IL5: variants seen among roughly 807,000 people sequenced by gnomAD.
IL5 encodes interleukin 5.
A neutral mutation model predicts 16.3 loss-of-function variants in IL5; 12 were observed. That is an observed-to-expected ratio of 0.74 (90% CI 0.47 to 1.20). The LOEUF is 1.20. Ranked by LOEUF, IL5 falls within the 50% of genes most tolerant of loss-of-function variation. The probability of loss-of-function intolerance (pLI) is 0.00; values close to 1 mark genes in which losing one functional copy is unlikely to be tolerated. For synonymous variants in IL5, 54 were observed against 56.6 expected, an observed-to-expected ratio of 0.95 and a Z score of 0.21; for missense variants, 159 against 153.9, an observed-to-expected ratio of 1.03 and a Z score of -0.17.
At chr5:132,554,753 A>G (rs1239081539) in intron 1 of IL5, among the ~76,000 whole-genome samples, 1 of 152,240 alleles carries the variant, frequency 6.6e-6, no homozygotes, top group Non-Finnish European at 1.5e-5. Flanking sequence ...CAATATATAT[A>G]GCCACACTAT....
chr5:132,542,197 TG>T, intron 2 of IL5, 54 bp from the exon 3 acceptor site: 1 of 1,462,194 alleles, frequency 6.8e-7, no homozygotes, highest in Non-Finnish European at 9.4e-7. Flanking sequence ...TATAAAAATT[TG>T]GTCCATTGTC....
intron 2 of IL5, 86 bp downstream of exon 2, chr5:132,543,008 T>C (rs1749722443): frequency 3.0e-6 from 3 of 993,702 alleles, no homozygotes; most frequent in Non-Finnish European, 4.7e-6. Flanking sequence ...AATTAAATAG[T>C]TCCAATGATA....
At chr5:132,543,533 T>G (rs1198936472), upstream of IL5, 2 of 1,514,510 alleles carry the variant, frequency 1.3e-6, no homozygotes, top group Admixed American at 4.4e-5. Context: ...AGTACAAGAC[T>G]GCGTCCCCAG....
At chr5:132,551,459 C>G (rs1183168400) in intron 1 of IL5, among the ~76,000 whole-genome samples, 2 of 152,092 alleles carry the variant, frequency 1.3e-5, no homozygotes, top group African/African-American at 2.4e-5. Flanking sequence ...TGGGGTTTCT[C>G]TGGGTACTCC....
At chr5:132,554,559 T>C (rs1338395328) in intron 1 of IL5, among the ~76,000 whole-genome samples, 3 of 152,246 alleles carry the variant, frequency 2.0e-5, no homozygotes, top group South Asian at 2.1e-4. Flanking sequence ...TTGGCAAGCA[T>C]ATGTAGAAAT....
chr5:132,543,404 G>C lies in IL5; in HGVS notation c.75C>G (p.Pro25=), dbSNP rs140074297. The stretch of plus-strand genomic sequence containing the variant: ...AGGTCTCTTTCACCAATGCACTTGT[G>C]GGAATTTCTGTGGGGATGGCATACA... The part of the protein sequence containing the change: ...AYVYAIPTEI[P]TSALVKETLA... The change falls in exon 1 of 4, where the codon CCC becomes CCG. Residue 25 remains proline (P), a synonymous_variant. Coordinates refer to ENST00000231454, the MANE Select transcript of IL5 (RefSeq NM_000879.3). 1 of 1,614,160 alleles carries C rather than the reference G, an allele frequency of 6.2e-7. No individual in the cohort carries two copies. Among genetic ancestry groups the C allele is most frequent in the African/African-American group, 1.3e-5 (1 of 75,062 alleles).
chr5:132,548,234 A>C (rs545041993), upstream of IL5, among the ~76,000 whole-genome samples: 1 of 152,202 alleles, frequency 6.6e-6, no homozygotes. Context: ...TGTCTCAAAA[A>C]AAAAAAAAAA....
upstream of IL5, chr5:132,543,572 G>A (rs1042328763): frequency 3.3e-5 from 43 of 1,299,048 alleles, no homozygotes; most frequent in Non-Finnish European, 4.3e-5. Context: ...TTGAGGAAAT[G>A]AATAATTTCT....
chr5:132,548,778 T>C (rs940511160), intron 1 of IL5, among the ~76,000 whole-genome samples: 1 of 152,212 alleles, frequency 6.6e-6, no homozygotes, highest in Admixed American at 6.5e-5. Flanking sequence ...TCAACTGGAA[T>C]AGTTGGGTAA....
At chr5:132,552,514 A>G (rs914226419) in intron 1 of IL5, among the ~76,000 whole-genome samples, 1 of 152,090 alleles carries the variant, frequency 6.6e-6, no homozygotes, top group Admixed American at 6.6e-5. Flanking sequence ...CTTTTATCTT[A>G]GTTTTATAGT....
chr5:132,555,016 A>G (rs1749949881), intron 1 of IL5, among the ~76,000 whole-genome samples: 1 of 152,128 alleles, frequency 6.6e-6, no homozygotes, highest in African/African-American at 2.4e-5. Flanking sequence ...AGATTCTCAT[A>G]AGGAATGGGC....
chr5:132,545,227 G>A (rs186299765), upstream of IL5, among the ~76,000 whole-genome samples: 7 of 152,278 alleles, frequency 4.6e-5, no homozygotes, highest in East Asian at 3.9e-4. Flanking sequence ...ATATGAGAGC[G>A]TTCTCTCTGA....
chr5:132,541,871 G>A lies in IL5; in HGVS notation c.345C>T (p.Phe115=). The A allele has an allele frequency of 6.2e-7, 1 of 1,613,782 alleles. No individual in the cohort carries two copies. The highest frequency in any genetic ancestry group is 8.5e-7 in the Non-Finnish European group (1 of 1,179,820). The change falls in exon 4 of 4, where the codon TTC becomes TTT. Residue 115 remains phenylalanine, a synonymous_variant. Transcript: ENST00000231454. ...CGEERRRVNQ[F]LDYLQEFLGV... Reference sequence around the variant, plus strand: ...CAAGAAACTCTTGCAGGTAGTCTAGGAATTGGTTTACTCTCCGTCTTTCTT... The same window carrying A: ...CAAGAAACTCTTGCAGGTAGTCTAGAAATTGGTTTACTCTCCGTCTTTCTT...
At chr5:132,545,003 A>G (rs1749761145), upstream of IL5, among the ~76,000 whole-genome samples, 1 of 151,766 alleles carries the variant, frequency 6.6e-6, no homozygotes, top group Non-Finnish European at 1.5e-5. Flanking sequence ...GAAGTTTTGG[A>G]CTCTTGGTTA....
At chr5:132,554,297 G>A (rs2548988) in intron 1 of IL5, among the ~76,000 whole-genome samples, 139,761 of 150,156 alleles carry the variant, frequency 0.93, 65,831 homozygotes, top group East Asian at 1. Flanking sequence ...AACGCGGGAG[G>A]TGGAGGTTGC....
upstream of IL5, among the ~76,000 whole-genome samples, chr5:132,544,504 G>C (rs1749753813): frequency 6.6e-6 from 1 of 152,192 alleles, no homozygotes; most frequent in Non-Finnish European, 1.5e-5. Context: ...ACAATACATG[G>C]ATGTGTCCTC....
In IL5 at chr5:132,542,022, C is replaced by A; in HGVS notation, c.299G>T (p.Gly100Val). 1 of 1,613,676 alleles carries A rather than the reference C, an allele frequency of 6.2e-7. No individual in the cohort carries two copies. Among genetic ancestry groups the A allele is most frequent in the South Asian group, 1.1e-5 (1 of 91,024 alleles). ...TGAATGTGTGTAACTTACTTTTTGG[C>A]CGTCAATGTATTTCTTTATTAAGGA... The part of the protein sequence containing the change: ...NLSLIKKYID[G>V]QKKKCGEERR... Residue 100 changes from glycine to valine, a missense_variant, in exon 3 of 4, where the codon GGC becomes GTC. Physicochemically the swap from Gly to Val is moderately radical, Grantham distance 109. Transcript: ENST00000231454.
At chr5:132,544,936 G>A (rs907407204), upstream of IL5, among the ~76,000 whole-genome samples, 1 of 152,206 alleles carries the variant, frequency 6.6e-6, no homozygotes, top group African/African-American at 2.4e-5. Flanking sequence ...GAAAGATAAA[G>A]ACAGTCTTGG....
chr5:132,552,291 C>A (rs903340381), intron 1 of IL5, among the ~76,000 whole-genome samples: 8 of 151,650 alleles, frequency 5.3e-5, no homozygotes, highest in East Asian at 1.9e-4. Context: ...ACAACAACAA[C>A]AACAAAAAAC....
Sources: gnomAD v4.1 joint callset for allele counts (sites outside exome capture counted in the v4.1 genomes callset) on GRCh38, gnomAD v4.1.1 for gene constraint, MANE v1.5 for transcripts, NCBI Gene and HGNC (gene_info 2026-07-23, HGNC 2026-07-21) for gene names.